Variants in ARSD observed in about 807,000 individuals in gnomAD.
ARSD encodes testis tissue sperm-binding protein Li 39a.
A neutral mutation model predicts 32.6 loss-of-function variants in ARSD; 21 were observed. The ratio of observed to expected loss-of-function variants is 0.64; its 90% CI spans 0.46 to 0.93. The LOEUF (loss-of-function observed/expected upper bound fraction) is 0.93, where lower values mean the gene tolerates loss of function less well. ARSD is among the 40% of genes least tolerant of loss of function. ARSD has a pLI of 0.00. For missense variants in ARSD, 454 were observed against 520.9 expected (o/e 0.87, Z 1.25); for synonymous variants, 224 against 237.4 (o/e 0.94, Z 0.52).
In ARSD at chrX:2,905,254, A is replaced by T. The variant is rs1470928934; in HGVS notation, c.*2017T>A. On this transcript the variant is annotated 3_prime_UTR_variant, in exon 10 of 10. Coordinates refer to ENST00000381154, the MANE Select transcript of ARSD (RefSeq NM_001669.4). ...GTCCTTAGAATCCCATCCTCACCTA[A>T]TACCTGGTATTGAACACTGCCTTTC... 8.5e-6 allele frequency: 2 copies of T among 235,912 alleles called. No homozygotes were observed. The highest frequency in any genetic ancestry group is 5.9e-5 in the African/African-American group (2 of 33,873). The allele number at this position is 235,912 out of a possible 1,213,427, so 19.4% of individuals were successfully genotyped here.
At chrX:2,921,521 T>C (rs747306423) in intron 3 of ARSD, among the ~76,000 whole-genome samples, 24 of 112,074 alleles carry the variant, frequency 2.1e-4, no homozygotes, top group Non-Finnish European at 4.1e-4. Flanking sequence ...TTATCATCCA[T>C]CTAGCATGTA....
chrX:2,910,286 G>T (rs1381362907), intron 7 of ARSD, among the ~76,000 whole-genome samples: 5 of 99,070 alleles, frequency 5.0e-5, no homozygotes, highest in Non-Finnish European at 1.0e-4. Flanking sequence ...AAAAATGTTT[G>T]TTAACTATCA....
chrX:2,916,927 C>T (rs964154266), intron 5 of ARSD, among the ~76,000 whole-genome samples: 2 of 110,844 alleles, frequency 1.8e-5, no homozygotes, highest in African/African-American at 6.6e-5. Flanking sequence ...ATACCCCATA[C>T]ATTTGTACAA....
At chrX:2,914,533 C>T in intron 6 of ARSD, 1 of 957,046 alleles carries the variant, frequency 1.0e-6, no homozygotes. Context: ...AGCCACCTTG[C>T]CCCACCTGAA....
rs1216663372 is a variant in ARSD, at chrX:2,906,123, TTTTC to T, written c.*1144_*1147del. ...AAGAGAACACACCCTTCTCTTATTA[TTTTC>T]TTTAAGGCATTTTTTTTTTTTTTTT... is the stretch of plus-strand genomic sequence containing the variant. On this transcript the variant is annotated 3_prime_UTR_variant, in exon 10 of 10. Coordinates refer to ENST00000381154, the MANE Select transcript of ARSD (RefSeq NM_001669.4). 10 of 99,736 alleles carry T rather than the reference TTTTC, an allele frequency of 1.0e-4. No homozygotes were observed. Among genetic ancestry groups the T allele is most frequent in the African/African-American group, 3.2e-4 (9 of 27,879 alleles). The allele number at this position is 99,736 out of a possible 1,213,427, so 8.2% of individuals were successfully genotyped here.
intron 1 of ARSD, among the ~76,000 whole-genome samples, chrX:2,927,910 G>C (rs749433452): frequency 8.9e-6 from 1 of 111,800 alleles, no homozygotes; most frequent in Non-Finnish European, 1.9e-5. Flanking sequence ...AAACTTCTAG[G>C]GGGTATTTGG....
rs202015035 is a variant in ARSD at position 2,908,132 on chromosome X, CATCT to C, written c.1421-504_1421-501del. 8.0e-3 allele frequency: 1,520 copies of C among 190,330 alleles called. 24 individuals are homozygous for C. The highest frequency in any genetic ancestry group is 0.043 in the African/African-American group (1,382 of 32,207). 15.7% of individuals were successfully genotyped at this position (190,330 alleles called of 1,213,427 possible). On this transcript the variant is annotated intron_variant, in intron 9 of 9. Transcript: ENST00000381154. ...TACCATTATCTATTTATCTATCGATCATCTATCTACCTACCTATCATCTATCTCT... is the reference window on the plus strand; with the variant it reads ...TACCATTATCTATTTATCTATCGATCATCTACCTACCTATCATCTATCTCT...
intron 8 of ARSD, 132 bp downstream of exon 8, chrX:2,909,683 CAA>C (rs751282477): frequency 0.068 from 18,218 of 267,394 alleles, 3 homozygotes; most frequent in East Asian, 0.14. Flanking sequence ...GACTCTGTCT[CAA>C]AAAAAAAAAA....
chrX:2,912,087 T>A (rs2088907262), intron 6 of ARSD, among the ~76,000 whole-genome samples: 1 of 110,774 alleles, frequency 9.0e-6, no homozygotes, highest in Non-Finnish European at 1.9e-5. Flanking sequence ...CTGCAATGAG[T>A]CAAGATCACA....
chrX:2,914,510 G>A (rs748152158), intron 6 of ARSD: 259 of 914,434 alleles, frequency 2.8e-4, no homozygotes, highest in Middle Eastern at 1.0e-3. Flanking sequence ...AAAATGCTGG[G>A]ATTAAAGGCA....
intron 1 of ARSD, among the ~76,000 whole-genome samples, chrX:2,928,918 G>GCCTTCCTCCGCCCTCCCTTC (rs1243222240): frequency 1.8e-5 from 2 of 112,139 alleles, no homozygotes; most frequent in Non-Finnish European, 3.8e-5. Flanking sequence ...GTCCCGGCCA[G>GCCTTCCTCCGCCCTCCCTTC]CCTTCCTCCG....
Position 2,906,562 on chromosome X carries a change from G to A in ARSD, c.*709C>T, listed in dbSNP as rs1172456001. Reference sequence around the variant, plus strand: ...TGTATGAAAAATGCATCAATTATTTGAGATTAATGAGTCCTCATAAACAGA... The same window carrying A: ...TGTATGAAAAATGCATCAATTATTTAAGATTAATGAGTCCTCATAAACAGA... On this transcript the variant is annotated 3_prime_UTR_variant, in exon 10 of 10. Transcript: ENST00000381154. 1 of 112,139 alleles carries A rather than the reference G, an allele frequency of 8.9e-6. No homozygotes were observed. Among genetic ancestry groups the A allele is most frequent in the Non-Finnish European group, 1.9e-5 (1 of 53,247 alleles). The allele number at this position is 112,139 out of a possible 1,213,427, so 9.2% of individuals were successfully genotyped here.
chrX:2,913,658 C>T, intron 6 of ARSD: 4 of 992,058 alleles, frequency 4.0e-6, no homozygotes, highest in South Asian at 2.0e-5. Flanking sequence ...GACCTCTCTG[C>T]ATTGTCCGAA....
intron 7 of ARSD, 91 bp from the exon 8 acceptor site, chrX:2,910,070 G>A (rs2088889868): frequency 1.1e-5 from 12 of 1,097,437 alleles, no homozygotes; most frequent in Admixed American, 2.6e-5. Flanking sequence ...ATGTGAATAC[G>A]CACAGCCACC....
chrX:2,922,317 C>T (rs1049004825), intron 2 of ARSD, among the ~76,000 whole-genome samples: 7 of 110,195 alleles, frequency 6.4e-5, no homozygotes, highest in African/African-American at 2.3e-4. Flanking sequence ...CAGGGCAGGC[C>T]TTCCAAGCTC....
intron 6 of ARSD, among the ~76,000 whole-genome samples, chrX:2,911,648 C>T (rs1421368970): frequency 1.2e-4 from 10 of 86,545 alleles, no homozygotes; most frequent in Non-Finnish European, 1.9e-4. Context: ...CCAGCCTGGG[C>T]GACAGGGTGA....
At position 2,907,447 on chromosome X, in the gene ARSD, G is replaced by A; in HGVS notation, c.1606C>T (p.Leu536=). The change falls in exon 10 of 10, where the codon CTG becomes TTG. Residue 536 remains leucine, a synonymous_variant. Coordinates refer to ENST00000381154, the MANE Select transcript of ARSD (RefSeq NM_001669.4). Reference sequence around the variant, plus strand: ...ACCCTTGCTATCACGGCGTGGTACAGGGGCTCGGAGTCGGGGGTCAGGGGC... The same window carrying A: ...ACCCTTGCTATCACGGCGTGGTACAAGGGCTCGGAGTCGGGGGTCAGGGGC... ...ARPLTPDSEP[L]YHAVIARVGA... 8.3e-7 allele frequency: 1 copy of A among 1,211,109 alleles called. No homozygotes were observed. The highest frequency in any genetic ancestry group is 1.1e-6 in the Non-Finnish European group (1 of 895,065).
intron 9 of ARSD, chrX:2,907,835 C>T (rs1177169815): frequency 4.9e-5 from 47 of 967,097 alleles, no homozygotes; most frequent in Non-Finnish European, 2.7e-5. Flanking sequence ...CATGTGTGTC[C>T]GTTTGTGTCT....
At chrX:2,928,636 A>G (rs1164540385) in intron 1 of ARSD, among the ~76,000 whole-genome samples, 1 of 76,521 alleles carries the variant, frequency 1.3e-5, no homozygotes, top group Non-Finnish European at 2.4e-5. Flanking sequence ...GTCTTAGTGG[A>G]CCCGGGGAAC....
Sources: gnomAD v4.1 joint callset for allele counts (sites outside exome capture counted in the v4.1 genomes callset) on GRCh38, gnomAD v4.1.1 for gene constraint, MANE v1.5 for transcripts, NCBI Gene and HGNC (gene_info 2026-07-23, HGNC 2026-07-21) for gene names.